CACNA1I: variants seen among roughly 807,000 people sequenced by gnomAD.
The protein encoded by CACNA1I is voltage-dependent T-type calcium channel subunit alpha-1I.
A neutral mutation model predicts 201.6 loss-of-function variants in CACNA1I; 74 were observed. That is an observed-to-expected ratio of 0.37 (90% confidence interval 0.30 to 0.45). The LOEUF (loss-of-function observed/expected upper bound fraction) is 0.45, where lower values mean the gene tolerates loss of function less well. Ranked by LOEUF, CACNA1I falls within the 20% of genes least tolerant of loss-of-function variation. The pLI is 1.00. For synonymous variants in CACNA1I, 1,431 were observed against 1,345.2 expected (o/e 1.06, Z -1.40); for missense variants, 2,346 against 3,138.1 (o/e 0.75, Z 6.03).
rs2146463146 is a variant in CACNA1I at position 39,670,081 on chromosome 22, C to T, written c.4238C>T (p.Ser1413Phe). The change falls in exon 25 of 37, where the codon TCC (serine) becomes TTC (phenylalanine). Residue 1413 changes from serine to phenylalanine, a missense_variant. Coordinates refer to ENST00000402142, the MANE Select transcript of CACNA1I (RefSeq NM_021096.4). The stretch of plus-strand genomic sequence containing the variant: ...CCCTGGATGCTGCTGTACTTCATCT[C>T]CTTCCTGCTCATCGTCAGCTTCTTT... ...HNPWMLLYFISFLLIVSFFVL... is the reference protein window; with the variant it reads ...HNPWMLLYFIFFLLIVSFFVL... The T allele has an allele frequency of 6.2e-7, 1 of 1,613,228 alleles. No individual in the cohort carries two copies. Among genetic ancestry groups the T allele is most frequent in the Non-Finnish European group, 8.5e-7 (1 of 1,179,876 alleles).
At position 39,629,299 on chromosome 22, in the gene CACNA1I, C is replaced by G. The variant is rs1933986258; in HGVS notation, c.581-5266C>G. 6.6e-6 allele frequency among the ~76,000 whole-genome samples: 1 copy of G among 152,154 alleles called. No individual in the cohort carries two copies. The highest frequency in any genetic ancestry group is 2.4e-5 in the African/African-American group (1 of 41,438). Reference sequence around the variant, plus strand: ...TCCATGGGGATGTACCCCGGCCATCCCAAGCTCCACATCTCCAGATGGAGC... The same window carrying G: ...TCCATGGGGATGTACCCCGGCCATCGCAAGCTCCACATCTCCAGATGGAGC... On this transcript the variant is annotated intron_variant, in intron 4 of 36. Transcript: ENST00000402142. The surrounding 1 kb of genome is among the most constrained non-coding windows in gnomAD (Gnocchi z 4.8).
At chr22:39,619,525 T>C in intron 4 of CACNA1I, 118 bp downstream of exon 4, 1 of 721,282 alleles carries the variant, frequency 1.4e-6, no homozygotes, top group Non-Finnish European at 2.4e-6. Context: ...TGGAGAAGAC[T>C]GATTAGGGCC....
chr22:39,618,042 T>A (rs189156444), intron 3 of CACNA1I, among the ~76,000 whole-genome samples: 1 of 151,460 alleles, frequency 6.6e-6, no homozygotes, highest in Non-Finnish European at 1.5e-5. Context: ...TGTGCAGTTG[T>A]GTGTGTATTT....
At chr22:39,594,378 G>A (rs1327860294) in intron 1 of CACNA1I, among the ~76,000 whole-genome samples, 2 of 152,148 alleles carry the variant, frequency 1.3e-5, no homozygotes, top group Admixed American at 1.3e-4. Context: ...GGGGAAAGGC[G>A]AGGGGGATGG....
Position 39,681,059 on chromosome 22 carries a change from T to A in CACNA1I, c.5664+7T>A. The A allele has an allele frequency of 6.2e-7, 1 of 1,606,804 alleles. No homozygotes were observed. The highest frequency in any genetic ancestry group is 8.5e-7 in the Non-Finnish European group (1 of 1,178,078). ...TGGCCGCAAAGACAGCAAGGTCAGC[T>A]CCCCTGGGGACTCCTGAGCAGGCGG... On this transcript the variant is annotated splice_region_variant and intron_variant, in intron 34 of 36. Coordinates refer to ENST00000402142, the MANE Select transcript of CACNA1I (RefSeq NM_021096.4).
chr22:39,629,403 A>G lies in CACNA1I; in HGVS notation c.581-5162A>G, dbSNP rs1933989019. On this transcript the variant is annotated intron_variant, in intron 4 of 36. Coordinates refer to ENST00000402142, the MANE Select transcript of CACNA1I (RefSeq NM_021096.4). The surrounding 1 kb of genome is among the most constrained non-coding windows in gnomAD (Gnocchi z 4.8). The stretch of plus-strand genomic sequence containing the variant: ...TCCCCAACTGCCCTCTTCCTCCTAC[A>G]TCCATATCCCATCCCTCTGCTTGGC... 6.6e-6 allele frequency among the ~76,000 whole-genome samples: 1 copy of G among 151,434 alleles called. No homozygotes were observed. Among genetic ancestry groups the G allele is most frequent in the African/African-American group, 2.4e-5 (1 of 41,164 alleles).
chr22:39,605,677 A>C (rs1260701002), intron 3 of CACNA1I, among the ~76,000 whole-genome samples: 1 of 152,232 alleles, frequency 6.6e-6, no homozygotes, highest in African/African-American at 2.4e-5. Context: ...CAGGAAGCAT[A>C]GAGAGCCATC....
Position 39,677,377 on chromosome 22 carries a change from T to A in CACNA1I, c.4891T>A (p.Phe1631Ile). The change falls in exon 30 of 37, where the codon TTC (phenylalanine) becomes ATC (isoleucine). Residue 1631 changes from phenylalanine (F) to isoleucine (I), a missense_variant. Physicochemically the swap from Phe to Ile is conservative, Grantham distance 21 (BLOSUM62 0). Coordinates refer to ENST00000402142, the MANE Select transcript of CACNA1I (RefSeq NM_021096.4). This position sits in a 1 kb window ranked among gnomAD's most constrained non-coding sequence, Gnocchi z 4.8. ...NLGLLFMLLFFIYAALGVELF... is the reference protein window; with the variant it reads ...NLGLLFMLLFIIYAALGVELF... ...GGGCCTCCTCTTCATGCTGCTCTTC[T>A]TCATCTATGCTGCTCTCGGGGTGGA... The A allele has an allele frequency of 6.3e-7, 1 of 1,599,690 alleles. No homozygotes were observed. Among genetic ancestry groups the A allele is most frequent in the Admixed American group, 1.7e-5 (1 of 58,738 alleles).
In CACNA1I at chr22:39,662,332, G is replaced by C. The variant is rs780155035; in HGVS notation, c.3269G>C (p.Gly1090Ala). Residue 1090 changes from glycine to alanine, a missense_variant, in exon 17 of 37, where the codon GGG becomes GCG. By Grantham distance (60) the Gly-to-Ala change is moderately conservative. Coordinates refer to ENST00000402142, the MANE Select transcript of CACNA1I (RefSeq NM_021096.4). ...TGGAGGGCGGCAGGCCCGGCCCCCG[G>C]GCATGAGGACTGCAATGGCAGGATG... ...AAWRAAGPAP[G>A]HEDCNGRMPS... is the part of the protein sequence containing the mutation. The C allele has an allele frequency of 6.7e-6, 10 of 1,482,352 alleles. No individual in the cohort carries two copies. The South Asian group carries it at 1.2e-4, about 18-fold the overall frequency. 91.8% of individuals were successfully genotyped at this position (1,482,352 alleles called of 1,614,324 possible).
chr22:39,636,118 G>T (rs1335220610), intron 5 of CACNA1I, among the ~76,000 whole-genome samples: 1 of 152,210 alleles, frequency 6.6e-6, no homozygotes, highest in Non-Finnish European at 1.5e-5. Flanking sequence ...ATGTGTGAGT[G>T]CATTTACCAC....
intron 4 of CACNA1I, among the ~76,000 whole-genome samples, chr22:39,624,794 C>A (rs1225488528): frequency 6.6e-6 from 1 of 152,058 alleles, no homozygotes; most frequent in African/African-American, 2.4e-5. Flanking sequence ...GAAGTGCTTC[C>A]TAGAGAGATT....
intron 1 of CACNA1I, among the ~76,000 whole-genome samples, chr22:39,594,564 C>T (rs1932858000): frequency 6.6e-6 from 1 of 151,462 alleles, no homozygotes. Flanking sequence ...AGGGCTGGGG[C>T]CAGGAGGAGC....
At position 39,672,155 on chromosome 22, in the gene CACNA1I, C is replaced by T. The variant is rs199787424; in HGVS notation, c.4540-44C>T. The T allele has an allele frequency of 1.1e-4, 132 of 1,236,104 alleles. No individual in the cohort carries two copies. In the African/African-American group the frequency reaches 1.5e-3, roughly 14 times the overall value. 76.6% of individuals were successfully genotyped at this position (1,236,104 alleles called of 1,614,324 possible). On this transcript the variant is annotated intron_variant, in intron 26 of 36. Transcript: ENST00000402142. ...TTCTGAGTGGAGGAAGGTTGTGGAG[C>T]AGGTCATGTGCCCTGGATCATGCTT...
rs746067924 is a variant in CACNA1I at position 39,679,221 on chromosome 22, G to A, written c.5170G>A (p.Val1724Met). The A allele has an allele frequency of 6.3e-7, 1 of 1,593,830 alleles. No individual in the cohort carries two copies. The highest frequency in any genetic ancestry group is 8.5e-7 in the Non-Finnish European group (1 of 1,171,152). The change falls in exon 32 of 37, where the codon GTG becomes ATG. Residue 1724 changes from valine (V) to methionine (M), a missense_variant. By Grantham distance (21) the Val-to-Met change is conservative (BLOSUM62 1). Around this residue, in one of 13 missense-constraint regions of CACNA1I, gnomAD observed 64 missense variants for 131.8 expected, o/e 0.49. Coordinates refer to ENST00000402142, the MANE Select transcript of CACNA1I (RefSeq NM_021096.4). ...CACCGCGCAGTTCGTGCTCATCAAC[G>A]TGGTGGTGGCTGTGCTCATGAAGCA... Reference protein sequence around the residue: ...VLTAQFVLINVVVAVLMKHLD... With the variant: ...VLTAQFVLINMVVAVLMKHLD...
At chr22:39,631,504 C>T (rs375431558) in intron 4 of CACNA1I, among the ~76,000 whole-genome samples, 101 of 152,316 alleles carry the variant, frequency 6.6e-4, no homozygotes, top group African/African-American at 2.4e-3. Flanking sequence ...CAATGAGAGG[C>T]AGGAGGGCTT....
At chr22:39,653,071 G>A (rs557610449) in intron 10 of CACNA1I, among the ~76,000 whole-genome samples, 40 of 132,636 alleles carry the variant, frequency 3.0e-4, no homozygotes, top group African/African-American at 1.5e-3. Context: ...TGACTGCATT[G>A]TGGGTGCACG....
At chr22:39,619,450 T>A in intron 4 of CACNA1I, 43 bp downstream of exon 4, 1 of 1,491,062 alleles carries the variant, frequency 6.7e-7, no homozygotes, top group Non-Finnish European at 9.3e-7. Flanking sequence ...GGCTGATCCA[T>A]CCCTGGCCAA....
At chr22:39,577,692 C>T (rs1027845281) in intron 1 of CACNA1I, among the ~76,000 whole-genome samples, 9 of 152,340 alleles carry the variant, frequency 5.9e-5, no homozygotes, top group East Asian at 3.9e-4. Context: ...GCCTGTGGGA[C>T]GATGGCGAGA....
chr22:39,650,582 T>C (rs1480594730), intron 10 of CACNA1I, among the ~76,000 whole-genome samples: 1 of 152,168 alleles, frequency 6.6e-6, no homozygotes, highest in Non-Finnish European at 1.5e-5. Flanking sequence ...ATCCAGACCT[T>C]TGCATGACCC....
Sources: gnomAD v4.1 joint callset for allele counts (sites outside exome capture counted in the v4.1 genomes callset) on GRCh38, gnomAD v4.1.1 for gene constraint, gnomAD v4.1.1 regional missense constraint, Gnocchi (gnomAD v3.1) non-coding constraint, MANE v1.5 for transcripts, NCBI Gene and HGNC (gene_info 2026-07-23, HGNC 2026-07-21) for gene names.